Variants in ABLIM1 observed in about 807,000 individuals in gnomAD.
ABLIM1 encodes the protein actin-binding LIM protein 1.
A neutral mutation model predicts 107.0 loss-of-function variants in ABLIM1; 40 were observed. The observed-to-expected ratio is 0.37, with a 90% CI of 0.29 to 0.49. The LOEUF is 0.49. ABLIM1 is among the 20% of genes least tolerant of loss of function. The pLI is 0.97. For missense variants in ABLIM1, 857 were observed against 1,008.5 expected, an observed-to-expected ratio of 0.85 and a Z score of 2.04; for synonymous variants, 357 against 357.3, an observed-to-expected ratio of 1.00 and a Z score of 0.01.
intron 1 of ABLIM1, among the ~76,000 whole-genome samples, chr10:114,709,657 T>A (rs903379295): frequency 6.6e-6 from 1 of 152,218 alleles, no homozygotes; most frequent in African/African-American, 2.4e-5. Flanking sequence ...TTTCTCTACA[T>A]AGAAAAAACT....
At chr10:114,583,836 A>G (rs983899727) in intron 2 of ABLIM1, among the ~76,000 whole-genome samples, 2 of 152,112 alleles carry the variant, frequency 1.3e-5, no homozygotes, top group African/African-American at 4.8e-5. Flanking sequence ...ATGTAGCTGG[A>G]GTCCCTTATC....
chr10:114,511,028 G>T (rs1757895177), intron 6 of ABLIM1, among the ~76,000 whole-genome samples: 1 of 151,970 alleles, frequency 6.6e-6, no homozygotes, highest in Non-Finnish European at 1.5e-5. Flanking sequence ...TTCTGTTAAG[G>T]TAGTGCCTTG....
At position 114,436,326 on chromosome 10, in the gene ABLIM1, T is replaced by G; in HGVS notation, c.2271A>C (p.Ile757=). 1 of 1,613,848 alleles carries G rather than the reference T, an allele frequency of 6.2e-7. No homozygotes were observed. Among genetic ancestry groups the G allele is most frequent in the Non-Finnish European group, 8.5e-7 (1 of 1,179,978 alleles). The change falls in exon 23 of 23, where the codon ATA becomes ATC. Residue 757 remains isoleucine (I), a synonymous_variant. Transcript: ENST00000533213. The part of the protein sequence containing the change: ...EVFREIFGMS[I]QEFDRLPLWR... Reference sequence around the variant, plus strand: ...AAAGAGGTAACCTGTCAAACTCCTGTATGGACATTCCAAAGATTTCCCGAA... The same window carrying G: ...AAAGAGGTAACCTGTCAAACTCCTGGATGGACATTCCAAAGATTTCCCGAA...
At position 114,511,770 on chromosome 10, in the gene ABLIM1, A is replaced by C. The variant is rs572624828; in HGVS notation, c.895-19892T>G. ...TCTTTCAGTTTGCATCAAACAGGTC[A>C]TCTGTAGAGACTAGTCTCAACTCTC... is the stretch of plus-strand genomic sequence containing the variant. On this transcript the variant is annotated intron_variant, in intron 6 of 22. Transcript: ENST00000533213. Among the ~76,000 whole-genome samples the C allele has an allele frequency of 6.6e-5, 10 of 152,318 alleles. 1 individual carries two copies. The highest frequency in any genetic ancestry group is 2.2e-4 in the African/African-American group (9 of 41,568).
At chr10:114,466,653 T>C (rs1190070026) in intron 11 of ABLIM1, among the ~76,000 whole-genome samples, 1 of 152,232 alleles carries the variant, frequency 6.6e-6, no homozygotes, top group East Asian at 1.9e-4. Flanking sequence ...ATTGATCTGG[T>C]GGCATTTTAA....
chr10:114,690,736 C>A, intron 1 of ABLIM1: 1 of 372,118 alleles, frequency 2.7e-6, no homozygotes, highest in Non-Finnish European at 4.9e-6. Flanking sequence ...AGCTGGAGTG[C>A]AGTGGTGCGA....
At chr10:114,787,567 C>T in the ABLIM1 span, among the ~76,000 whole-genome samples, 2 of 147,474 alleles carry the variant, frequency 1.4e-5, no homozygotes, top group Admixed American at 1.3e-4. Context: ...GCCACCCCGT[C>T]CGGGAGGGAG....
intron 6 of ABLIM1, among the ~76,000 whole-genome samples, chr10:114,525,508 G>A (rs1436743400): frequency 6.6e-6 from 1 of 152,208 alleles, no homozygotes; most frequent in Non-Finnish European, 1.5e-5. Context: ...AAGGCCTCAC[G>A]CTTAGTCTTA....
intron 1 of ABLIM1, among the ~76,000 whole-genome samples, chr10:114,691,566 G>A (rs1350470929): frequency 2.0e-5 from 3 of 152,100 alleles, no homozygotes; most frequent in African/African-American, 7.2e-5. Context: ...TGACTCATTT[G>A]ATGCAAATAA....
chr10:114,511,314 T>C (rs996078864), intron 6 of ABLIM1, among the ~76,000 whole-genome samples: 1 of 152,032 alleles, frequency 6.6e-6, no homozygotes, highest in African/African-American at 2.4e-5. Context: ...GATTTTATTC[T>C]ATTCTAAGCA....
rs115752870 is a variant in ABLIM1 at position 114,535,832 on chromosome 10, G to A, written c.894+9173C>T. 4.0e-3 allele frequency among the ~76,000 whole-genome samples: 607 copies of A among 152,172 alleles called. 5 individuals are homozygous for A. The highest frequency in any genetic ancestry group is 0.014 in the African/African-American group (588 of 41,512). Reference sequence around the variant, plus strand: ...GGTTCCCTTTCTTTTAGCCAAACGTGGATTGAAAATACAGCATTCAAGGGA... The same window carrying A: ...GGTTCCCTTTCTTTTAGCCAAACGTAGATTGAAAATACAGCATTCAAGGGA... On this transcript the variant is annotated intron_variant, in intron 6 of 22. Coordinates refer to ENST00000533213, the MANE Select transcript of ABLIM1 (RefSeq NM_002313.7).
At position 114,468,225 on chromosome 10, in the gene ABLIM1, A is replaced by G; in HGVS notation, c.1276-9T>C. 6.2e-7 allele frequency: 1 copy of G among 1,611,854 alleles called. No homozygotes were observed. The highest frequency in any genetic ancestry group is 1.1e-5 in the South Asian group (1 of 91,042). On this transcript the variant is annotated splice_polypyrimidine_tract_variant and intron_variant, in intron 10 of 22. Coordinates refer to ENST00000533213, the MANE Select transcript of ABLIM1 (RefSeq NM_002313.7). ...GACAAAGTCCTCGGAGACTAGAAAA[A>G]TAAAAGAGAATTTAAAGTCACAATG...
chr10:114,470,509 G>C (rs1227645148), intron 10 of ABLIM1, among the ~76,000 whole-genome samples: 6 of 151,484 alleles, frequency 4.0e-5, no homozygotes, highest in Non-Finnish European at 7.4e-5. Context: ...TAATAGAACA[G>C]CTTGTAAATT....
intron 5 of ABLIM1, 143 bp from the exon 6 acceptor site, chr10:114,545,241 G>C (rs964804421): frequency 4.1e-6 from 3 of 737,388 alleles, no homozygotes; most frequent in Admixed American, 2.1e-5. Flanking sequence ...TGGCAATCCA[G>C]TCAGACCTGG....
intron 1 of ABLIM1, among the ~76,000 whole-genome samples, chr10:114,748,738 C>CAG (rs1212206481): frequency 6.6e-6 from 1 of 151,264 alleles, no homozygotes; most frequent in Non-Finnish European, 1.5e-5. Flanking sequence ...CTCAGTGCAG[C>CAG]CTCAAACTCC....
In ABLIM1 at chr10:114,601,954, G is replaced by C. The variant is rs766295349; in HGVS notation, c.252C>G (p.His84Gln). ...CTGATGGGTGGTGAGGGTCCTGAGG[G>C]TGGGCCACTGAAAGAAAATCAACAA... Reference protein sequence around the residue: ...VCNSVDPFVAHPQDPHHPSEK... With the variant: ...VCNSVDPFVAQPQDPHHPSEK... Residue 84 changes from histidine (H) to glutamine (Q), a missense_variant, in exon 2 of 23, where the codon CAC becomes CAG. His to Gln is a conservative substitution (Grantham distance 24). Transcript: ENST00000533213. The C allele has an allele frequency of 6.2e-7, 1 of 1,613,794 alleles. No individual in the cohort carries two copies. The highest frequency in any genetic ancestry group is 1.3e-5 in the African/African-American group (1 of 74,922).
At chr10:114,735,719 C>T (rs1013692253) in intron 1 of ABLIM1, among the ~76,000 whole-genome samples, 1 of 152,168 alleles carries the variant, frequency 6.6e-6, no homozygotes, top group Non-Finnish European at 1.5e-5. Flanking sequence ...CTGCCCCCCT[C>T]GGCCTCCCAC....
At chr10:114,490,341 T>C (rs934426736) in intron 7 of ABLIM1, among the ~76,000 whole-genome samples, 2 of 152,188 alleles carry the variant, frequency 1.3e-5, no homozygotes, top group Admixed American at 6.5e-5. Context: ...GGGTTGTCAA[T>C]TTCTCATGTA....
intron 1 of ABLIM1, among the ~76,000 whole-genome samples, chr10:114,668,741 G>A (rs2080129411): frequency 6.6e-6 from 1 of 152,178 alleles, no homozygotes; most frequent in Non-Finnish European, 1.5e-5. Context: ...GAAAGACAAT[G>A]AGATTTGGTG....
Sources: gnomAD v4.1 joint callset for allele counts (sites outside exome capture counted in the v4.1 genomes callset) on GRCh38, gnomAD v4.1.1 for gene constraint, MANE v1.5 for transcripts, NCBI Gene and HGNC (gene_info 2026-07-23, HGNC 2026-07-21) for gene names.